The following USP34 variants were observed in gnomAD, a reference collection of about 807,000 sequenced individuals.
USP34 encodes the protein ubiquitin carboxyl-terminal hydrolase 34.
USP34 carries 70 observed loss-of-function variants against 460.3 expected under a neutral mutation model. The ratio of observed to expected loss-of-function variants is 0.15; its 90% CI spans 0.13 to 0.19. USP34 has a LOEUF of 0.19. Ranked by LOEUF, USP34 falls within the 10% of genes least tolerant of loss-of-function variation. The probability of loss-of-function intolerance (pLI) is 1.00; values close to 1 mark genes in which losing one functional copy is unlikely to be tolerated. For missense variants in USP34, 3,985 were observed against 4,236.2 expected (o/e 0.94, Z 1.65); for synonymous variants, 1,647 against 1,405.3 (o/e 1.17, Z -3.85).
rs983151235 is a variant in USP34, at chr2:61,188,328, G to A, written c.10415C>T (p.Ser3472Phe). 8.1e-6 allele frequency: 13 copies of A among 1,613,518 alleles called. No homozygotes were observed. The highest frequency in any genetic ancestry group is 2.2e-5 in the East Asian group (1 of 44,900). ...TAAGTCAGACAGAACTGCAGAGATA[G>A]AAGTAGAAGGGAACTCAGATTCTTC... ...AEEESEFPST[S>F]ISAVLSDLAD... is the part of the protein sequence containing the mutation. The change falls in exon 80 of 80, where the codon TCT becomes TTT. Residue 3472 changes from serine (S) to phenylalanine (F), a missense_variant. This residue lies in a region of USP34 where 506 missense variants were observed against 439.0 expected (regional missense o/e 1.15). Coordinates refer to ENST00000398571, the MANE Select transcript of USP34 (RefSeq NM_014709.4).
At chr2:61,413,843 A>C (rs2103955956) in intron 2 of USP34, among the ~76,000 whole-genome samples, 1 of 145,526 alleles carries the variant, frequency 6.9e-6, no homozygotes. Context: ...AGGCAGGAGA[A>C]TTGCCTGAAC....
chr2:61,331,367 C>A lies in USP34; in HGVS notation c.2839G>T (p.Ala947Ser). ...TTCATCATGTTCAGTTCTTTTTCTG[C>A]CCACCTGGCCCAAATAAAAGAAAAA... is the stretch of plus-strand genomic sequence containing the variant. ...SYDTHWITMW[A>S]EKELNMMKLF... The change falls in exon 20 of 80, where the codon GCA becomes TCA. Residue 947 changes from alanine (A) to serine (S), a missense_variant. Physicochemically the swap from Ala to Ser is moderately conservative, Grantham distance 99. Transcript: ENST00000398571. 1.9e-6 allele frequency: 3 copies of A among 1,608,564 alleles called. No individual in the cohort carries two copies. The highest frequency in any genetic ancestry group is 1.3e-5 in the African/African-American group (1 of 74,828).
At chr2:61,389,506 A>G (rs1208047887) in intron 5 of USP34, among the ~76,000 whole-genome samples, 1 of 152,230 alleles carries the variant, frequency 6.6e-6, no homozygotes, top group African/African-American at 2.4e-5. Flanking sequence ...AAAAATTTTA[A>G]TACAAGGAAG....
rs1289381925 is a variant in USP34, at chr2:61,348,139, T to C, written c.2016A>G (p.Gly672=). Reference sequence around the variant, plus strand: ...ATTCAGTGTTAAAAACCAGGTCCTTTCCTGTTCCGCTGCTTGTCCCATTTC... The same window carrying C: ...ATTCAGTGTTAAAAACCAGGTCCTTCCCTGTTCCGCTGCTTGTCCCATTTC... ...SERNGTSSGT[G]KDLVFNTESL... is the part of the protein sequence containing the mutation. The change falls in exon 15 of 80, where the codon GGA becomes GGG. Residue 672 remains glycine (G), a synonymous_variant. Transcript: ENST00000398571. 2 of 1,614,104 alleles carry C rather than the reference T, an allele frequency of 1.2e-6. No homozygotes were observed. The highest frequency in any genetic ancestry group is 1.7e-6 in the Non-Finnish European group (2 of 1,180,044).
chr2:61,365,921 A>T (rs1254761780), intron 10 of USP34, among the ~76,000 whole-genome samples: 1 of 140,508 alleles, frequency 7.1e-6, no homozygotes, highest in Non-Finnish European at 1.6e-5. Context: ...ACATTTCTGA[A>T]AGACTAAAAT....
chr2:61,254,958 G>A (rs927631907), intron 48 of USP34, among the ~76,000 whole-genome samples: 4 of 152,194 alleles, frequency 2.6e-5, no homozygotes, highest in East Asian at 3.9e-4. Flanking sequence ...TGATCCTCCC[G>A]ATTCAGCCTC....
At chr2:61,396,096 C>T (rs1572999968) in intron 3 of USP34, among the ~76,000 whole-genome samples, 1 of 150,936 alleles carries the variant, frequency 6.6e-6, no homozygotes, top group African/African-American at 2.4e-5. Context: ...CAAGGTAATT[C>T]TGATAAAAAT....
At position 61,347,779 on chromosome 2, in the gene USP34, A is replaced by G; in HGVS notation, c.2285+91T>C. 4 of 1,538,454 alleles carry G rather than the reference A, an allele frequency of 2.6e-6. No homozygotes were observed. The South Asian group carries it at 5.1e-5, about 20-fold the overall frequency. ...TTGCACTATACTACTAATGAATAGC[A>G]CTAATACAGAATAAATTGCAAATTG... is the stretch of plus-strand genomic sequence containing the variant. On this transcript the variant is annotated intron_variant, in intron 15 of 79. Transcript: ENST00000398571.
At chr2:61,333,316 C>T (rs1301661105) in intron 19 of USP34, among the ~76,000 whole-genome samples, 2 of 152,074 alleles carry the variant, frequency 1.3e-5, no homozygotes, top group Admixed American at 6.5e-5. Flanking sequence ...TTTCAGATTC[C>T]GTAATATTCG....
Position 61,470,709 on chromosome 2 carries a change from C to G in USP34, c.-17G>C, listed in dbSNP as rs1695931839. The G allele has an allele frequency of 6.3e-7, 1 of 1,588,444 alleles. No individual in the cohort carries two copies. The highest frequency in any genetic ancestry group is 1.1e-5 in the South Asian group (1 of 89,268). The stretch of plus-strand genomic sequence containing the variant: ...CTCGCACATCGTTCGGCCGCCGCCC[C>G]CCCCCTCCCCCGCTTCGGATCACAC... On this transcript the variant is annotated 5_prime_UTR_variant, in exon 1 of 80. Coordinates refer to ENST00000398571, the MANE Select transcript of USP34 (RefSeq NM_014709.4).
intron 10 of USP34, among the ~76,000 whole-genome samples, chr2:61,368,903 C>T (rs916447927): frequency 2.6e-5 from 4 of 152,018 alleles, no homozygotes; most frequent in Non-Finnish European, 5.9e-5. Context: ...AAAAAGGCAT[C>T]AAACCAGGAT....
At chr2:61,323,514 CAA>C (rs10713213) in intron 21 of USP34, among the ~76,000 whole-genome samples, 187 of 101,310 alleles carry the variant, frequency 1.8e-3, no homozygotes, top group Admixed American at 5.0e-3. Context: ...GACTCCGCCT[CAA>C]AAAAAAAAAA....
At chr2:61,373,367 G>T (rs902320189) in intron 8 of USP34, among the ~76,000 whole-genome samples, 11 of 146,460 alleles carry the variant, frequency 7.5e-5, no homozygotes, top group Non-Finnish European at 1.7e-4. Flanking sequence ...TATATGACTA[G>T]TTTTTTTTTT....
intron 2 of USP34, among the ~76,000 whole-genome samples, chr2:61,414,310 A>G (rs1171337856): frequency 6.6e-6 from 1 of 152,096 alleles, no homozygotes; most frequent in Non-Finnish European, 1.5e-5. Flanking sequence ...GCACAAAAAT[A>G]ACAAGGGCTA....
At chr2:61,425,810 G>A (rs1694494000) in intron 1 of USP34, among the ~76,000 whole-genome samples, 1 of 152,034 alleles carries the variant, frequency 6.6e-6, no homozygotes, top group Non-Finnish European at 1.5e-5. Context: ...GCAGCCAATG[G>A]AGTGCTGGCA....
chr2:61,223,024 T>A (rs1687632195), intron 64 of USP34, 36 bp downstream of exon 64: 13 of 1,558,450 alleles, frequency 8.3e-6, no homozygotes, highest in Non-Finnish European at 1.1e-5. Flanking sequence ...TTTTTAAAAT[T>A]TCCAAAAATC....
chr2:61,294,156 T>C (rs575013723), intron 32 of USP34, among the ~76,000 whole-genome samples: 32 of 151,876 alleles, frequency 2.1e-4, no homozygotes, highest in Admixed American at 4.6e-4. Context: ...CCATCCTGGC[T>C]AACATGGTGA....
intron 12 of USP34, among the ~76,000 whole-genome samples, chr2:61,349,715 C>A (rs2103782539): frequency 6.6e-6 from 1 of 152,120 alleles, no homozygotes; most frequent in East Asian, 1.9e-4. Flanking sequence ...GTGGCGGGCA[C>A]CTGTAGTCCC....
rs1309015617 is a variant in USP34 at position 61,204,514 on chromosome 2, T to C, written c.9242A>G (p.His3081Arg). The change falls in exon 73 of 80, where the codon CAT becomes CGT. Residue 3081 changes from histidine (H) to arginine (R), a missense_variant. By Grantham distance (29) the His-to-Arg change is conservative (BLOSUM62 0). Coordinates refer to ENST00000398571, the MANE Select transcript of USP34 (RefSeq NM_014709.4). ...ATACGTACTTGGTATATTACTGTGATGGTAAGTACAATGGTTGTGTTGTAG... is the reference window on the plus strand; with the variant it reads ...ATACGTACTTGGTATATTACTGTGACGGTAAGTACAATGGTTGTGTTGTAG... The part of the protein sequence containing the change: ...PFLQHNHCTY[H>R]HSNIPMSLGP... 2 of 1,614,088 alleles carry C rather than the reference T, an allele frequency of 1.2e-6. No homozygotes were observed. Among genetic ancestry groups the C allele is most frequent in the South Asian group, 1.1e-5 (1 of 91,080 alleles).
Sources: allele counts gnomAD v4.1 joint callset (sites outside exome capture counted in the v4.1 genomes callset), GRCh38; gene constraint gnomAD v4.1.1; regional missense constraint gnomAD v4.1.1; transcripts MANE v1.5; gene names NCBI Gene and HGNC (gene_info 2026-07-23, HGNC 2026-07-21).